The following ZFHX3 variants were observed in gnomAD, a reference collection of about 807,000 sequenced individuals.
The protein encoded by ZFHX3 is zinc finger homeobox protein 3.
A neutral mutation model predicts 279.1 loss-of-function variants in ZFHX3; 42 were observed. The ratio of observed to expected loss-of-function variants is 0.15; its 90% CI spans 0.12 to 0.19. The LOEUF is 0.19. Ranked by LOEUF, ZFHX3 falls within the 10% of genes least tolerant of loss-of-function variation. The pLI, the probability that ZFHX3 is intolerant of heterozygous loss-of-function variation, is 1.00. For missense variants in ZFHX3, 4,981 were observed against 4,754.0 expected, an observed-to-expected ratio of 1.05 and a Z score of -1.40; for synonymous variants, 2,293 against 1,957.8, an observed-to-expected ratio of 1.17 and a Z score of -4.52.
chr16:73,363,202 C>T (rs1417555293), intron 3 of ZFHX3, among the ~76,000 whole-genome samples: 1 of 152,204 alleles, frequency 6.6e-6, no homozygotes, highest in East Asian at 1.9e-4. Context: ...ATTGACTGAG[C>T]CTGGCTCAGG....
At chr16:73,722,866 G>A (rs1485085935) in intron 1 of ZFHX3, among the ~76,000 whole-genome samples, 1 of 152,164 alleles carries the variant, frequency 6.6e-6, no homozygotes, top group Non-Finnish European at 1.5e-5. Context: ...TAGTAAGAGA[G>A]CTAGTCATTT....
chr16:73,181,602 A>G (rs916028987), intron 5 of ZFHX3, among the ~76,000 whole-genome samples: 3 of 152,316 alleles, frequency 2.0e-5, no homozygotes, highest in African/African-American at 2.4e-5. Flanking sequence ...TTGTAACCCA[A>G]GTTCTATCCC....
intron 1 of ZFHX3, among the ~76,000 whole-genome samples, chr16:73,712,725 T>C (rs1200926937): frequency 1.3e-5 from 2 of 152,210 alleles, no homozygotes; most frequent in Admixed American, 1.3e-4. Context: ...AGAATCAGCA[T>C]CAGTGTTCTG....
intron 3 of ZFHX3, among the ~76,000 whole-genome samples, chr16:72,944,995 A>C (rs923925801): frequency 1.3e-5 from 2 of 152,008 alleles, no homozygotes; most frequent in African/African-American, 4.8e-5. Flanking sequence ...TTTCAGTTCC[A>C]TTATGTGGTG....
chr16:73,086,165 A>T (rs1473554141), intron 8 of ZFHX3, among the ~76,000 whole-genome samples: 1 of 152,210 alleles, frequency 6.6e-6, no homozygotes, highest in Non-Finnish European at 1.5e-5. Flanking sequence ...CCACAACGAG[A>T]TATCTTACCC....
intron 1 of ZFHX3, among the ~76,000 whole-genome samples, chr16:73,019,495 C>T (rs537032320): frequency 1.9e-4 from 29 of 152,190 alleles, no homozygotes; most frequent in Non-Finnish European, 3.2e-4. Flanking sequence ...CACCGGAAAC[C>T]CCTGCCTGGA....
intron 1 of ZFHX3, among the ~76,000 whole-genome samples, chr16:73,019,735 T>C (rs1247973856): frequency 6.6e-6 from 1 of 152,104 alleles, no homozygotes; most frequent in African/African-American, 2.4e-5. Flanking sequence ...CCTTCTCCGC[T>C]CTCTCACCCC....
At chr16:73,732,959 T>C (rs2053581142) in intron 1 of ZFHX3, among the ~76,000 whole-genome samples, 1 of 152,190 alleles carries the variant, frequency 6.6e-6, no homozygotes, top group Non-Finnish European at 1.5e-5. Flanking sequence ...GAAGTCTGTA[T>C]ACTCTTGCTG....
At chr16:73,372,247 T>G (rs2016644251) in intron 3 of ZFHX3, among the ~76,000 whole-genome samples, 1 of 152,178 alleles carries the variant, frequency 6.6e-6, no homozygotes, top group Non-Finnish European at 1.5e-5. Context: ...GCATAACTAC[T>G]GAAAACAGTT....
At chr16:73,643,393 T>C (rs1269445923) in intron 2 of ZFHX3, among the ~76,000 whole-genome samples, 1 of 152,240 alleles carries the variant, frequency 6.6e-6, no homozygotes, top group Non-Finnish European at 1.5e-5. Flanking sequence ...CAGGAGATTT[T>C]ATAACCAGTA....
chr16:73,099,558 A>C (rs926426542), intron 7 of ZFHX3, among the ~76,000 whole-genome samples: 5 of 152,026 alleles, frequency 3.3e-5, no homozygotes, highest in African/African-American at 1.2e-4. Flanking sequence ...TAAAAATACA[A>C]AAATTAGCTG....
At chr16:72,811,464 G>A (rs1395824151) in intron 7 of ZFHX3, 113 bp downstream of exon 7, 20 of 1,174,924 alleles carry the variant, frequency 1.7e-5, no homozygotes, top group East Asian at 2.6e-5. Context: ...GTTTTCTGAC[G>A]TTTCCAACTC....
chr16:73,303,100 T>A (rs62054725), intron 4 of ZFHX3, among the ~76,000 whole-genome samples: 17,743 of 151,886 alleles, frequency 0.12, 1,128 homozygotes, highest in South Asian at 0.22. Flanking sequence ...GTGATCATAG[T>A]GCACTGTCGC....
intron 3 of ZFHX3, among the ~76,000 whole-genome samples, chr16:73,329,815 A>G (rs907981068): frequency 6.6e-6 from 1 of 152,230 alleles, no homozygotes; most frequent in Non-Finnish European, 1.5e-5. Context: ...AAAAAACACA[A>G]GTGACAAGTT....
chr16:72,954,647 C>A (rs1417779220), intron 2 of ZFHX3, among the ~76,000 whole-genome samples: 1 of 152,156 alleles, frequency 6.6e-6, no homozygotes, highest in Non-Finnish European at 1.5e-5. Flanking sequence ...GCCACCCCGA[C>A]AAGCAACCCC....
chr16:73,257,148 CAA>C (rs1205447095), intron 4 of ZFHX3: 1 of 152,072 alleles, frequency 6.6e-6, no homozygotes, highest in African/African-American at 2.4e-5. Flanking sequence ...TATAACAAAG[CAA>C]AAAGTAAATA....
At chr16:73,127,072 A>ACACC (rs1185946576) in intron 7 of ZFHX3, 1 of 253,102 alleles carries the variant, frequency 4.0e-6, no homozygotes, top group Non-Finnish European at 7.8e-6. Flanking sequence ...TGTCTAAGAG[A>ACACC]CGGGGTGCAG....
chr16:73,708,088 G>GT (rs2053323348), intron 1 of ZFHX3, among the ~76,000 whole-genome samples: 1 of 147,278 alleles, frequency 6.8e-6, no homozygotes, highest in Non-Finnish European at 1.5e-5. Flanking sequence ...GTGGGGGGGG[G>GT]AAGTATTTAC....
At chr16:73,769,239 G>T (rs1218114491) in intron 1 of ZFHX3, among the ~76,000 whole-genome samples, 1 of 152,076 alleles carries the variant, frequency 6.6e-6, no homozygotes, top group Non-Finnish European at 1.5e-5. Context: ...AGAACTAGAA[G>T]TACTTTCTAC....
Sources: allele counts gnomAD v4.1 joint callset (sites outside exome capture counted in the v4.1 genomes callset), GRCh38; gene constraint gnomAD v4.1.1; transcripts MANE v1.5; gene names NCBI Gene and HGNC (gene_info 2026-07-23, HGNC 2026-07-21).